Variants in TMCC2 observed in about 807,000 individuals in gnomAD.
TMCC2 encodes transmembrane and coiled-coil domains protein 2.
TMCC2 carries 16 observed loss-of-function variants against 49.4 expected under a neutral mutation model. The observed-to-expected ratio is 0.32, with a 90% CI of 0.22 to 0.49. The LOEUF is 0.49. TMCC2 is among the 20% of genes least tolerant of loss of function. TMCC2 has a pLI of 0.99. For synonymous variants in TMCC2, 397 were observed against 434.1 expected (o/e 0.91, Z 1.06); for missense variants, 762 against 989.8 (o/e 0.77, Z 3.09).
intron 2 of TMCC2, among the ~76,000 whole-genome samples, chr1:205,262,557 G>T (rs973042923): frequency 1.3e-5 from 2 of 152,208 alleles, no homozygotes; most frequent in African/African-American, 4.8e-5. Flanking sequence ...AGGATGGGGG[G>T]ATGTCTGCTA....
intron 2 of TMCC2, among the ~76,000 whole-genome samples, chr1:205,255,790 C>A (rs1272833882): frequency 1.3e-5 from 2 of 152,124 alleles, no homozygotes; most frequent in Non-Finnish European, 2.9e-5. Context: ...GGGCATAAGA[C>A]CTATTTACAA....
In TMCC2 at chr1:205,234,684, T is replaced by A. The variant is rs550352693; in HGVS notation, c.207+5913T>A. ...TAGAGCAAGATTTTTTTTTTTGAGA[T>A]GGAATCTCATTCTGTCTCAGGCTGG... On this transcript the variant is annotated intron_variant, in intron 1 of 4. Transcript: ENST00000358024. 9.2e-5 allele frequency among the ~76,000 whole-genome samples: 14 copies of A among 151,858 alleles called. No individual in the cohort carries two copies. In the South Asian group the frequency reaches 1.0e-3, roughly 11 times the overall value.
At chr1:205,246,541 CAG>C (rs1182594121) in intron 2 of TMCC2, 160 of 1,534,664 alleles carry the variant, frequency 1.0e-4, no homozygotes, top group Non-Finnish European at 1.4e-4. Flanking sequence ...AGTCTGTTCT[CAG>C]AGTGAGGAGC....
intron 1 of TMCC2, among the ~76,000 whole-genome samples, chr1:205,238,693 T>C (rs1660151912): frequency 1.3e-5 from 2 of 152,212 alleles, no homozygotes; most frequent in Admixed American, 1.3e-4. Flanking sequence ...CTGGGACACA[T>C]GCAAATACCC....
intron 2 of TMCC2, among the ~76,000 whole-genome samples, chr1:205,249,238 C>T (rs532117571): frequency 1.1e-4 from 17 of 152,308 alleles, no homozygotes; most frequent in South Asian, 6.2e-4. Context: ...ATCACCTAAG[C>T]GAGAGCAGAC....
chr1:205,253,121 C>T (rs948140894), intron 2 of TMCC2, among the ~76,000 whole-genome samples: 4 of 151,678 alleles, frequency 2.6e-5, no homozygotes, highest in South Asian at 2.1e-4. Flanking sequence ...GGGGAAAGAA[C>T]GAGACCCTGT....
chr1:205,241,643 G>A lies in TMCC2; in HGVS notation c.346G>A (p.Asp116Asn), dbSNP rs1033504397. The A allele has an allele frequency of 5.0e-6, 8 of 1,613,728 alleles. No homozygotes were observed. Among genetic ancestry groups the A allele is most frequent in the African/African-American group, 1.3e-5 (1 of 74,912 alleles). Residue 116 changes from aspartate (D) to asparagine (N), a missense_variant, in exon 2 of 5, where the codon GAC (aspartate) becomes AAC (asparagine). By Grantham distance (23) the Asp-to-Asn change is conservative (BLOSUM62 1). Coordinates refer to ENST00000358024, the MANE Select transcript of TMCC2 (RefSeq NM_014858.4). This position sits in a 1 kb window ranked among gnomAD's most constrained non-coding sequence, Gnocchi z 7.3. Reference sequence around the variant, plus strand: ...GCATCAGCAGCAGCAGGGTATGTCCGACCATGACTCCCCAGATGAGAAGGA... The same window carrying A: ...GCATCAGCAGCAGCAGGGTATGTCCAACCATGACTCCCCAGATGAGAAGGA... ...QQHQQQQGMSDHDSPDEKERS... is the reference protein window; with the variant it reads ...QQHQQQQGMSNHDSPDEKERS...
chr1:205,266,741 G>A (rs1241482684), intron 2 of TMCC2, among the ~76,000 whole-genome samples: 1 of 152,156 alleles, frequency 6.6e-6, no homozygotes, highest in Non-Finnish European at 1.5e-5. Context: ...AAGGGATTAC[G>A]CTGCCTAGAT....
chr1:205,240,682 C>T (rs1050855663), intron 1 of TMCC2, among the ~76,000 whole-genome samples: 1 of 152,210 alleles, frequency 6.6e-6, no homozygotes, highest in Non-Finnish European at 1.5e-5. Flanking sequence ...TTGGGCTCCA[C>T]CATCTGTGTG....
intron 2 of TMCC2, among the ~76,000 whole-genome samples, chr1:205,250,007 CT>C (rs1660604402): frequency 6.6e-6 from 1 of 152,344 alleles, no homozygotes; most frequent in South Asian, 2.1e-4. Flanking sequence ...AAGTTTCTTC[CT>C]TTAGTCTGAT....
At chr1:205,256,065 C>A in intron 2 of TMCC2, 1 of 564,834 alleles carries the variant, frequency 1.8e-6, no homozygotes. Context: ...TGATTTTGGC[C>A]TGCAAGCCCT....
chr1:205,234,958 CT>C (rs1659975787), intron 1 of TMCC2, among the ~76,000 whole-genome samples: 1 of 152,058 alleles, frequency 6.6e-6, no homozygotes, highest in African/African-American at 2.4e-5. Context: ...TGCGCACGGC[CT>C]AGAGCAAGAT....
intron 2 of TMCC2, chr1:205,246,677 G>A (rs1036878975): frequency 5.8e-6 from 9 of 1,550,226 alleles, no homozygotes; most frequent in Non-Finnish European, 7.8e-6. Flanking sequence ...AGGCAGCCAG[G>A]CCCACCTCTC....
In TMCC2 at chr1:205,241,698, A is replaced by G; in HGVS notation, c.401A>G (p.Tyr134Cys). 1 of 1,613,646 alleles carries G rather than the reference A, an allele frequency of 6.2e-7. No homozygotes were observed. Among genetic ancestry groups the G allele is most frequent in the Non-Finnish European group, 8.5e-7 (1 of 1,179,996 alleles). The stretch of plus-strand genomic sequence containing the variant: ...TCTCCGGAGATGCATCGCGTCTCCT[A>G]CGCCATGTCCCTGCACGACCTGCCC... ...ERSPEMHRVS[Y>C]AMSLHDLPAR... The change falls in exon 2 of 5, where the codon TAC becomes TGC. Residue 134 changes from tyrosine (Y) to cysteine (C), a missense_variant. By Grantham distance (194) the Tyr-to-Cys change is radical (BLOSUM62 -2). This residue lies in a region of TMCC2 where 322 missense variants were observed against 353.1 expected (regional missense o/e 0.91). Coordinates refer to ENST00000358024, the MANE Select transcript of TMCC2 (RefSeq NM_014858.4). This position sits in a 1 kb window ranked among gnomAD's most constrained non-coding sequence, Gnocchi z 7.3.
intron 2 of TMCC2, among the ~76,000 whole-genome samples, chr1:205,260,646 A>C (rs1661066894): frequency 6.6e-6 from 1 of 151,696 alleles, no homozygotes; most frequent in African/African-American, 2.4e-5. Flanking sequence ...CCCCAAGGAA[A>C]CCCTGTACCC....
At chr1:205,228,900 C>CT in intron 1 of TMCC2, 129 bp downstream of exon 1, 2 of 1,437,720 alleles carry the variant, frequency 1.4e-6, no homozygotes, top group South Asian at 2.9e-5. Flanking sequence ...TGAGCGGATG[C>CT]TTTGCTGGCA....
intron 4 of TMCC2, 118 bp downstream of exon 4, chr1:205,271,373 G>T: frequency 6.5e-7 from 1 of 1,539,778 alleles, no homozygotes. Flanking sequence ...GTTGGCCGGG[G>T]CCGATAGGCA....
chr1:205,271,885 C>T lies in TMCC2; in HGVS notation c.1891C>T (p.Leu631=), dbSNP rs777198183. 1 of 1,614,084 alleles carries T rather than the reference C, an allele frequency of 6.2e-7. No individual in the cohort carries two copies. Among genetic ancestry groups the T allele is most frequent in the Non-Finnish European group, 8.5e-7 (1 of 1,180,028 alleles). ...GCAGCAACAGCAGCAGGTGGTACAG[C>T]TGGAGGGCGTGGAGAATGCCAACGC... ...LQQQQQQVVQ[L]EGVENANARA... Residue 631 remains leucine (L), a synonymous_variant, in exon 5 of 5, where the codon CTG becomes TTG. Transcript: ENST00000358024.
intron 2 of TMCC2, among the ~76,000 whole-genome samples, chr1:205,254,683 A>G (rs1287087063): frequency 6.6e-6 from 1 of 152,014 alleles, no homozygotes. Flanking sequence ...TCCATTAGGG[A>G]GCTGCCAGGT....
Sources: allele counts gnomAD v4.1 joint callset (sites outside exome capture counted in the v4.1 genomes callset), GRCh38; gene constraint gnomAD v4.1.1; regional missense constraint gnomAD v4.1.1; non-coding constraint Gnocchi (gnomAD v3.1); transcripts MANE v1.5; gene names NCBI Gene and HGNC (gene_info 2026-07-23, HGNC 2026-07-21).